Variants in MYO9B observed in about 807,000 individuals in gnomAD.
MYO9B encodes myosin IXB, also known as unconventional myosin-IXb.
MYO9B carries 71 observed loss-of-function variants against 229.5 expected under a neutral mutation model. The observed-to-expected ratio is 0.31, with a 90% CI of 0.26 to 0.38. MYO9B has a LOEUF of 0.38. MYO9B is among the 10% of genes least tolerant of loss of function. The pLI, the probability that MYO9B is intolerant of heterozygous loss-of-function variation, is 1.00. For synonymous variants in MYO9B, 1,185 were observed against 1,235.8 expected (o/e 0.96, Z 0.86); for missense variants, 2,255 against 2,920.5 (o/e 0.77, Z 5.25).
rs1568302004 is a variant in MYO9B, at chr19:17,205,164, A to AG, written c.4991-99_4991-98insG. 5,239 of 742,880 alleles carry AG rather than the reference A, an allele frequency of 7.1e-3. 19 individuals are homozygous for AG. Among genetic ancestry groups the AG allele is most frequent in the East Asian group, 0.02 (704 of 34,454 alleles). 46.0% of individuals were successfully genotyped at this position (742,880 alleles called of 1,614,324 possible). ...AGACTCCATCTCAAAAAAAAAAAAA[A>AG]AAGAAGGCAATTGGCGGCCCCCGGC... On this transcript the variant is annotated intron_variant, in intron 30 of 39. Transcript: ENST00000682292.
At chr19:17,104,537 C>T (rs978340030) in intron 2 of MYO9B, among the ~76,000 whole-genome samples, 1 of 152,164 alleles carries the variant, frequency 6.6e-6, no homozygotes, top group African/African-American at 2.4e-5. Context: ...CCAGGGGCAG[C>T]GTGTGGCCTC....
chr19:17,157,585 A>G (rs1261005354), intron 7 of MYO9B: 1 of 159,466 alleles, frequency 6.3e-6, no homozygotes, highest in African/African-American at 2.4e-5. Flanking sequence ...AACAAAAAAA[A>G]ACTACAGCTT....
At chr19:17,116,442 A>C (rs1360498413) in intron 2 of MYO9B, among the ~76,000 whole-genome samples, 1 of 152,152 alleles carries the variant, frequency 6.6e-6, no homozygotes, top group East Asian at 1.9e-4. Context: ...TGGAGCTTGC[A>C]GTTGGGGGAT....
chr19:17,138,094 C>T (rs1279367668), intron 2 of MYO9B, among the ~76,000 whole-genome samples: 2 of 152,054 alleles, frequency 1.3e-5, no homozygotes, highest in South Asian at 2.1e-4. Flanking sequence ...TGTTCCCCTC[C>T]CTGTGTCCAT....
intron 17 of MYO9B, among the ~76,000 whole-genome samples, chr19:17,185,578 A>G (rs998439620): frequency 1.3e-5 from 2 of 152,012 alleles, no homozygotes; most frequent in East Asian, 3.9e-4. Context: ...AACAAAAAAA[A>G]CACTACATCC....
Position 17,168,598 on chromosome 19 carries a change from CAGG to C in MYO9B, c.1793+537_1793+539del, listed in dbSNP as rs1568282649. Reference sequence around the variant, plus strand: ...ATTCGTGCACTTGAGGCACATCCGCCAGGAGTTTTCAGCAAAGGATTATGGGCC... The same window carrying C: ...ATTCGTGCACTTGAGGCACATCCGCCAGTTTTCAGCAAAGGATTATGGGCC... On this transcript the variant is annotated intron_variant, in intron 11 of 39. Transcript: ENST00000682292. Among the ~76,000 whole-genome samples the C allele has an allele frequency of 3.9e-5, 6 of 152,340 alleles. No individual in the cohort carries two copies. In the South Asian group the frequency reaches 1.2e-3, roughly 32 times the overall value.
intron 2 of MYO9B, among the ~76,000 whole-genome samples, chr19:17,131,608 AC>A (rs1303386913): frequency 7.2e-5 from 11 of 151,954 alleles, no homozygotes; most frequent in African/African-American, 2.7e-4. Flanking sequence ...AATTCAAGAA[AC>A]CTTTTTAAAT....
chr19:17,174,948 A>ATT (rs1568285617), intron 13 of MYO9B, among the ~76,000 whole-genome samples: 9 of 138,794 alleles, frequency 6.5e-5, no homozygotes, highest in African/African-American at 9.9e-5. Context: ...AAATAAATAA[A>ATT]TAAATAATAA....
chr19:17,086,780 T>G (rs2057587340), intron 1 of MYO9B, among the ~76,000 whole-genome samples: 2 of 151,844 alleles, frequency 1.3e-5, no homozygotes, highest in South Asian at 4.2e-4. Context: ...CTCGGGAGGC[T>G]GAGGCACGAG....
intron 18 of MYO9B, 66 bp downstream of exon 18, chr19:17,186,067 C>A: frequency 7.0e-7 from 1 of 1,425,784 alleles, no homozygotes; most frequent in Admixed American, 1.7e-5. Flanking sequence ...GTCGGTGTCC[C>A]TGCATCCAGC....
At chr19:17,134,473 C>T (rs1176380748) in intron 2 of MYO9B, among the ~76,000 whole-genome samples, 1 of 144,754 alleles carries the variant, frequency 6.9e-6, no homozygotes, top group African/African-American at 2.6e-5. Context: ...CTCAGTGCAA[C>T]CTCTGCCTCT....
chr19:17,159,091 G>A (rs56282814), intron 7 of MYO9B, among the ~76,000 whole-genome samples: 40,943 of 152,012 alleles, frequency 0.27, 6,090 homozygotes, highest in East Asian at 0.39. Context: ...TTACTGGGGA[G>A]GCTGAGGCAG....
At chr19:17,168,176 T>C (rs1047003639) in intron 11 of MYO9B, 112 bp downstream of exon 11, 1 of 1,388,766 alleles carries the variant, frequency 7.2e-7, no homozygotes, top group East Asian at 2.6e-5. Context: ...AGCGCCTTTT[T>C]ATTTTTGAGA....
At chr19:17,109,028 T>A (rs1394609633) in intron 2 of MYO9B, among the ~76,000 whole-genome samples, 4 of 144,540 alleles carry the variant, frequency 2.8e-5, no homozygotes, top group Non-Finnish European at 6.0e-5. Context: ...AATCTTTTTT[T>A]TAATTTTATT....
At chr19:17,210,023 C>T in intron 36 of MYO9B, among the ~76,000 whole-genome samples, 1 of 152,180 alleles carries the variant, frequency 6.6e-6, no homozygotes, top group East Asian at 1.9e-4. Context: ...AGACGATGGT[C>T]CTCGCTCAGC....
intron 2 of MYO9B, among the ~76,000 whole-genome samples, chr19:17,117,960 A>C (rs1310599301): frequency 6.6e-6 from 1 of 150,960 alleles, no homozygotes; most frequent in Non-Finnish European, 1.5e-5. Context: ...AAAAAAAAGA[A>C]AAGACATATA....
intron 13 of MYO9B, among the ~76,000 whole-genome samples, chr19:17,175,144 G>GT (rs762280296): frequency 2.0e-5 from 3 of 151,616 alleles, no homozygotes; most frequent in Non-Finnish European, 4.4e-5. Context: ...GTGTCAGCAT[G>GT]TGCCTGTAGC....
intron 19 of MYO9B, among the ~76,000 whole-genome samples, chr19:17,189,619 G>A (rs777633997): frequency 2.4e-4 from 36 of 151,544 alleles, no homozygotes; most frequent in African/African-American, 8.2e-4. Context: ...GCAAGACTCC[G>A]TCTCAAAAAA....
chr19:17,105,231 C>G (rs2057781449), intron 2 of MYO9B, among the ~76,000 whole-genome samples: 1 of 150,298 alleles, frequency 6.7e-6, no homozygotes, highest in African/African-American at 2.5e-5. Flanking sequence ...TACATAATCC[C>G]AGTGCACTGG....
Sources: gnomAD v4.1 joint callset for allele counts (sites outside exome capture counted in the v4.1 genomes callset) on GRCh38, gnomAD v4.1.1 for gene constraint, MANE v1.5 for transcripts, NCBI Gene and HGNC (gene_info 2026-07-23, HGNC 2026-07-21) for gene names.